The following PIK3AP1 variants were observed in gnomAD, a reference collection of about 807,000 sequenced individuals.
PIK3AP1 encodes the protein phosphoinositide 3-kinase adapter protein 1.
A neutral mutation model predicts 88.1 loss-of-function variants in PIK3AP1; 21 were observed. The observed-to-expected ratio is 0.24, with a 90% CI of 0.17 to 0.34. The LOEUF is 0.34. PIK3AP1 is among the 10% of genes least tolerant of loss of function. The probability of loss-of-function intolerance (pLI) is 1.00; values close to 1 mark genes in which losing one functional copy is unlikely to be tolerated. For synonymous variants in PIK3AP1, 398 were observed against 400.0 expected (o/e 1.00, Z 0.06); for missense variants, 828 against 1,035.7 (o/e 0.80, Z 2.75).
intron 2 of PIK3AP1, among the ~76,000 whole-genome samples, chr10:96,688,002 C>T (rs1844097408): frequency 1.3e-5 from 2 of 152,154 alleles, no homozygotes; most frequent in Admixed American, 6.5e-5. Flanking sequence ...GATGGGGAGG[C>T]ATGAAGGGGT....
chr10:96,646,573 G>T (rs1843463224), intron 7 of PIK3AP1, among the ~76,000 whole-genome samples: 2 of 152,120 alleles, frequency 1.3e-5, no homozygotes, highest in African/African-American at 4.8e-5. Flanking sequence ...TGCAGCTAAG[G>T]TGTTCTCGCC....
At chr10:96,649,845 C>T (rs1442324880) in intron 6 of PIK3AP1, among the ~76,000 whole-genome samples, 1 of 152,226 alleles carries the variant, frequency 6.6e-6, no homozygotes, top group East Asian at 1.9e-4. Context: ...GCTGGGTCCC[C>T]ACGGACCCCC....
At chr10:96,711,484 A>G (rs1380718891) in intron 1 of PIK3AP1, among the ~76,000 whole-genome samples, 4 of 152,228 alleles carry the variant, frequency 2.6e-5, no homozygotes, top group African/African-American at 9.6e-5. Flanking sequence ...AGCTGGTCAC[A>G]TTTTATGAAG....
At chr10:96,716,037 T>C (rs573986582) in intron 1 of PIK3AP1, among the ~76,000 whole-genome samples, 1 of 152,094 alleles carries the variant, frequency 6.6e-6, no homozygotes, top group South Asian at 2.1e-4. Flanking sequence ...TACCAGCACT[T>C]TGGGAGGCCA....
intron 2 of PIK3AP1, among the ~76,000 whole-genome samples, chr10:96,698,057 C>A (rs1434620168): frequency 6.6e-6 from 1 of 152,152 alleles, no homozygotes; most frequent in Non-Finnish European, 1.5e-5. Flanking sequence ...ATAGATGCAA[C>A]AATAATCTAT....
intron 8 of PIK3AP1, among the ~76,000 whole-genome samples, chr10:96,640,909 C>A (rs138069716): frequency 1.3e-5 from 2 of 152,248 alleles, no homozygotes; most frequent in South Asian, 2.1e-4. Flanking sequence ...GCAATCCTCC[C>A]GCCTCAGCCT....
rs192821666 is a variant in PIK3AP1, at chr10:96,704,368, T to C, written c.430+5199A>G. On this transcript the variant is annotated intron_variant, in intron 2 of 16. Transcript: ENST00000339364. ...CAGAAAGGTGGCTTAGACCCCTTGT[T>C]TGTACTCAGTGGTACCTGGACCAGC... 4.1e-3 allele frequency among the ~76,000 whole-genome samples: 626 copies of C among 152,348 alleles called. 2 individuals are homozygous for C. Among genetic ancestry groups the C allele is most frequent in the Non-Finnish European group, 7.2e-3 (488 of 68,040 alleles).
chr10:96,685,338 C>A (rs1222495291), intron 2 of PIK3AP1, among the ~76,000 whole-genome samples: 1 of 152,178 alleles, frequency 6.6e-6, no homozygotes, highest in East Asian at 1.9e-4. Flanking sequence ...CATCCTGGTA[C>A]TTCATTGTTC....
At chr10:96,616,381 G>A (rs935900215) in intron 13 of PIK3AP1, among the ~76,000 whole-genome samples, 3 of 152,228 alleles carry the variant, frequency 2.0e-5, no homozygotes, top group African/African-American at 2.4e-5. Context: ...GTGAAAAGGT[G>A]GAAGCATGCA....
At chr10:96,664,245 C>CT (rs1465219628) in intron 2 of PIK3AP1, among the ~76,000 whole-genome samples, 2 of 152,216 alleles carry the variant, frequency 1.3e-5, no homozygotes, top group Non-Finnish European at 2.9e-5. Flanking sequence ...TGGGTAAAAG[C>CT]TTACGGCATG....
chr10:96,602,207 A>T, intron 16 of PIK3AP1, 73 bp downstream of exon 16: 1 of 1,216,182 alleles, frequency 8.2e-7, no homozygotes, highest in Non-Finnish European at 1.2e-6. Context: ...TAGTCATCTT[A>T]GGTGTTTCCA....
At chr10:96,625,224 G>A (rs1843139132) in intron 10 of PIK3AP1, among the ~76,000 whole-genome samples, 1 of 152,216 alleles carries the variant, frequency 6.6e-6, no homozygotes. Flanking sequence ...GCAACTCCGT[G>A]TGTTAATTCC....
chr10:96,717,301 G>C (rs1308402052), intron 1 of PIK3AP1, among the ~76,000 whole-genome samples: 1 of 151,184 alleles, frequency 6.6e-6, no homozygotes, highest in Admixed American at 6.6e-5. Context: ...GTACAGACAG[G>C]AAGTGCCAGA....
intron 2 of PIK3AP1, among the ~76,000 whole-genome samples, chr10:96,705,579 C>CTTTT (rs57429192): frequency 3.7e-5 from 5 of 133,918 alleles, no homozygotes; most frequent in Admixed American, 7.7e-5. Context: ...CATTGCATTT[C>CTTTT]TTTTTTTTTT....
chr10:96,601,696 G>A (rs1014968698), intron 16 of PIK3AP1, among the ~76,000 whole-genome samples: 3 of 152,130 alleles, frequency 2.0e-5, no homozygotes, highest in African/African-American at 7.2e-5. Flanking sequence ...AAGGGAATTA[G>A]TTATTGGAGA....
chr10:96,650,447 C>T (rs961954346), intron 6 of PIK3AP1, among the ~76,000 whole-genome samples: 1 of 152,220 alleles, frequency 6.6e-6, no homozygotes, highest in African/African-American at 2.4e-5. Flanking sequence ...CAGCATGTCA[C>T]ATGTGCACAA....
intron 12 of PIK3AP1, chr10:96,618,885 T>G (rs1047008817): frequency 5.9e-5 from 9 of 152,192 alleles, no homozygotes; most frequent in African/African-American, 2.2e-4. Context: ...TCCCAGGGGC[T>G]CCTGAGTGAA....
intron 2 of PIK3AP1, among the ~76,000 whole-genome samples, chr10:96,694,637 G>A (rs748965945): frequency 6.0e-5 from 9 of 150,342 alleles, no homozygotes; most frequent in South Asian, 2.1e-4. Flanking sequence ...GAGCTCAAGC[G>A]ATCCTCCCAC....
intron 2 of PIK3AP1, among the ~76,000 whole-genome samples, chr10:96,661,185 C>G (rs1350609462): frequency 6.7e-6 from 1 of 148,828 alleles, no homozygotes; most frequent in Non-Finnish European, 1.5e-5. Flanking sequence ...AAAACTCCAT[C>G]TAAAAAAAAA....
Sources: gnomAD v4.1 joint callset for allele counts (sites outside exome capture counted in the v4.1 genomes callset) on GRCh38, gnomAD v4.1.1 for gene constraint, MANE v1.5 for transcripts, NCBI Gene and HGNC (gene_info 2026-07-23, HGNC 2026-07-21) for gene names.